STK11: variants seen among roughly 807,000 people sequenced by gnomAD.
STK11 encodes the protein serine/threonine-protein kinase STK11.
In STK11, 8 loss-of-function variants were observed where a neutral mutation model predicts 47.3. The observed-to-expected ratio is 0.17, with a 90% CI of 0.10 to 0.31. The LOEUF is 0.31. STK11 is among the 10% of genes least tolerant of loss of function. The pLI, the probability that STK11 is intolerant of heterozygous loss-of-function variation, is 1.00. For synonymous variants in STK11, 330 were observed against 255.8 expected, an observed-to-expected ratio of 1.29 and a Z score of -2.77; for missense variants, 475 against 605.0, an observed-to-expected ratio of 0.79 and a Z score of 2.25.
intron 1 of STK11, among the ~76,000 whole-genome samples, chr19:1,209,084 C>T (rs866662969): frequency 9.9e-5 from 15 of 152,164 alleles, no homozygotes; most frequent in East Asian, 1.9e-4. Context: ...AGTCTGGACC[C>T]GGGTAGAAGG....
Position 1,227,585 on chromosome 19 carries a change from C to G in STK11, c.*17-8C>G, listed in dbSNP as rs554370182. 2 of 1,064,322 alleles carry G rather than the reference C, an allele frequency of 1.9e-6. No homozygotes were observed. Among genetic ancestry groups the G allele is most frequent in the African/African-American group, 3.3e-5 (2 of 60,914 alleles). 65.9% of individuals were successfully genotyped at this position (1,064,322 alleles called of 1,614,324 possible). ...GCTGACCTCTTCCGTCTTCCTTCCACCCTGCAGCCCGTGTCCAGGAGCCCC... is the reference window on the plus strand; with the variant it reads ...GCTGACCTCTTCCGTCTTCCTTCCAGCCTGCAGCCCGTGTCCAGGAGCCCC... On this transcript the variant is annotated splice_region_variant and splice_polypyrimidine_tract_variant and intron_variant, in intron 9 of 9. Coordinates refer to ENST00000326873, the MANE Select transcript of STK11 (RefSeq NM_000455.5).
At chr19:1,224,070 G>GC (rs1006213757) in intron 8 of STK11, 3 of 999,656 alleles carry the variant, frequency 3.0e-6, no homozygotes, top group African/African-American at 1.7e-5. Context: ...CCTGCAGAGA[G>GC]CCCCCCATTA....
chr19:1,213,813 C>T (rs1018794363), intron 1 of STK11, among the ~76,000 whole-genome samples: 6 of 152,310 alleles, frequency 3.9e-5, no homozygotes, highest in African/African-American at 9.6e-5. Flanking sequence ...CCAGGGCACG[C>T]GGGTCTGGAG....
chr19:1,217,772 C>T (rs1341393755), intron 1 of STK11, among the ~76,000 whole-genome samples: 1 of 152,212 alleles, frequency 6.6e-6, no homozygotes, highest in Non-Finnish European at 1.5e-5. Flanking sequence ...GTGACGGAGC[C>T]ATCACCAGGG....
At chr19:1,225,077 C>A (rs1344124423) in intron 8 of STK11, 3 of 986,002 alleles carry the variant, frequency 3.0e-6, no homozygotes, top group Middle Eastern at 5.2e-4. Flanking sequence ...CACCCAGATC[C>A]CAGGGAAGGG....
rs1041566760 is a variant in STK11 at position 1,228,055 on chromosome 19, TTTTC to T, written c.*483_*486del. ...TTGTTTGGTTGGTTCCATTTTCTTTTTTTCTTTTTTTTTTTAAGAAAAAATAAAA... is the reference window on the plus strand; with the variant it reads ...TTGTTTGGTTGGTTCCATTTTCTTTTTTTTTTTTTTTAAGAAAAAATAAAA... On this transcript the variant is annotated 3_prime_UTR_variant, in exon 10 of 10. Coordinates refer to ENST00000326873, the MANE Select transcript of STK11 (RefSeq NM_000455.5). 18 of 1,065,526 alleles carry T rather than the reference TTTTC, an allele frequency of 1.7e-5. No homozygotes were observed. Among genetic ancestry groups the T allele is most frequent in the Middle Eastern group, 4.1e-4 (1 of 2,426 alleles). The allele number at this position is 1,065,526 out of a possible 1,614,324, so 66.0% of individuals were successfully genotyped here.
At chr19:1,226,276 G>C in intron 8 of STK11, 178 bp from the exon 9 acceptor site, 1 of 1,432,074 alleles carries the variant, frequency 7.0e-7, no homozygotes, top group Non-Finnish European at 9.2e-7. Context: ...CCCGGGGGGT[G>C]CCTCCCAGAG....
Position 1,227,925 on chromosome 19 carries a change from C to A in STK11, c.*349C>A. On this transcript the variant is annotated 3_prime_UTR_variant, in exon 10 of 10. Coordinates refer to ENST00000326873, the MANE Select transcript of STK11 (RefSeq NM_000455.5). ...TCGTGCTCCGCAGGGCGCCCAGCGC[C>A]GTCCGGCGGCCCCGCCGCAGACCAG... The A allele has an allele frequency of 9.3e-7, 1 of 1,070,182 alleles. No individual in the cohort carries two copies. Among genetic ancestry groups the A allele is most frequent in the Non-Finnish European group, 1.1e-6 (1 of 882,234 alleles). The allele number at this position is 1,070,182 out of a possible 1,614,324, so 66.3% of individuals were successfully genotyped here. A position where few individuals can be genotyped will look rare whatever the true frequency, so the allele number is the denominator to read the frequency against.
intron 1 of STK11, among the ~76,000 whole-genome samples, chr19:1,210,664 G>A (rs1156669247): frequency 6.7e-6 from 1 of 149,530 alleles, no homozygotes; most frequent in Non-Finnish European, 1.5e-5. Context: ...GAGGTTGGGA[G>A]TTAGCCTGAC....
chr19:1,214,568 G>C (rs765792516), intron 1 of STK11, among the ~76,000 whole-genome samples: 1 of 152,116 alleles, frequency 6.6e-6, no homozygotes, highest in Non-Finnish European at 1.5e-5. Context: ...GGTGGCCGGC[G>C]CAGGGAGGTT....
intron 7 of STK11, among the ~76,000 whole-genome samples, chr19:1,222,618 C>T (rs571524782): frequency 1.3e-5 from 2 of 151,730 alleles, no homozygotes; most frequent in Admixed American, 6.6e-5. Context: ...GTCATCTGGG[C>T]GCCTGGCGGG....
chr19:1,219,820 C>T (rs1406153921), intron 3 of STK11, among the ~76,000 whole-genome samples: 3 of 152,234 alleles, frequency 2.0e-5, no homozygotes, highest in Non-Finnish European at 4.4e-5. Flanking sequence ...GCTGGGATTA[C>T]AGGCATGAGC....
chr19:1,218,188 C>CG (rs2145420049), intron 1 of STK11, among the ~76,000 whole-genome samples: 1 of 152,278 alleles, frequency 6.6e-6, no homozygotes, highest in South Asian at 2.1e-4. Context: ...AAGCCCTCGC[C>CG]GGCCGATGAC....
chr19:1,226,852 C>T, intron 9 of STK11, 189 bp downstream of exon 9: 2 of 689,608 alleles, frequency 2.9e-6, no homozygotes, highest in South Asian at 2.2e-5. Context: ...GGCCTGGTGT[C>T]TGGCCAGCGT....
chr19:1,226,973 C>A (rs758683480), intron 9 of STK11: 189 of 382,566 alleles, frequency 4.9e-4, no homozygotes, highest in Non-Finnish European at 8.0e-4. Context: ...CTGGCGCCCC[C>A]TCCCCATGCC....
At chr19:1,226,352 G>T (rs902220118) in intron 8 of STK11, 102 bp from the exon 9 acceptor site, 12 of 1,525,178 alleles carry the variant, frequency 7.9e-6, no homozygotes, top group Middle Eastern at 2.3e-4. Context: ...CATGGCCTGG[G>T]CAGCAGCTGT....
At chr19:1,220,135 T>G in intron 3 of STK11, 10 of 494,010 alleles carry the variant, frequency 2.0e-5, no homozygotes, top group Middle Eastern at 5.4e-4. Context: ...CACAGGAAAA[T>G]GAGACCTGTG....
intron 1 of STK11, among the ~76,000 whole-genome samples, chr19:1,216,086 GA>G (rs964273513): frequency 5.4e-4 from 79 of 146,116 alleles, no homozygotes; most frequent in African/African-American, 1.7e-3. Flanking sequence ...AATTAAAAAA[GA>G]AAAAAAAAAC....
At position 1,227,834 on chromosome 19, in the gene STK11, G is replaced by C. The variant is rs999827997; in HGVS notation, c.*258G>C. On this transcript the variant is annotated 3_prime_UTR_variant, in exon 10 of 10. Coordinates refer to ENST00000326873, the MANE Select transcript of STK11 (RefSeq NM_000455.5). ...AGCCCCGGGCGGAGCCTTCCCGGGCGGGCGTGGGAGGAGGGAGGCGGCCTC... is the reference window on the plus strand; with the variant it reads ...AGCCCCGGGCGGAGCCTTCCCGGGCCGGCGTGGGAGGAGGGAGGCGGCCTC... 1.9e-6 allele frequency: 2 copies of C among 1,071,066 alleles called. No individual in the cohort carries two copies. Among genetic ancestry groups the C allele is most frequent in the South Asian group, 9.1e-5 (2 of 22,038 alleles). The allele number at this position is 1,071,066 out of a possible 1,614,324, so 66.3% of individuals were successfully genotyped here. A position where few individuals can be genotyped will look rare whatever the true frequency, so the allele number is the denominator to read the frequency against.
Sources: allele counts gnomAD v4.1 joint callset (sites outside exome capture counted in the v4.1 genomes callset), GRCh38; gene constraint gnomAD v4.1.1; transcripts MANE v1.5; gene names NCBI Gene and HGNC (gene_info 2026-07-23, HGNC 2026-07-21).